CEP97: variants seen among roughly 807,000 people sequenced by gnomAD.
CEP97 encodes centrosomal protein 97.
Under a neutral mutation model 73.1 loss-of-function variants are expected in CEP97, and 43 were observed. The ratio of observed to expected loss-of-function variants is 0.59; its 90% CI spans 0.46 to 0.76. The LOEUF (loss-of-function observed/expected upper bound fraction) is 0.76. CEP97 is among the 30% of genes least tolerant of loss of function. The pLI is 0.00. For synonymous variants in CEP97, 337 were observed against 370.0 expected, an observed-to-expected ratio of 0.91 and a Z score of 1.02; for missense variants, 939 against 1,014.0, an observed-to-expected ratio of 0.93 and a Z score of 1.00.
At chr3:101,735,963 C>T (rs1225996631) in intron 6 of CEP97, among the ~76,000 whole-genome samples, 7 of 152,210 alleles carry the variant, frequency 4.6e-5, no homozygotes, top group Non-Finnish European at 1.0e-4. Context: ...ATTCTTGCTG[C>T]CAGTACAGCA....
chr3:101,753,284 T>C (rs1005966366), intron 6 of CEP97, among the ~76,000 whole-genome samples: 2 of 152,188 alleles, frequency 1.3e-5, no homozygotes, highest in African/African-American at 2.4e-5. Flanking sequence ...CCCGGCTGTG[T>C]GAGGTGTCAG....
Position 101,732,489 on chromosome 3 carries a change from T to C in CEP97, c.563T>C (p.Ile188Thr). ...CAACAAAGATATCTTTTGTTCCAGA[T>C]CTCTTTTTTGGCATCCTTAACTGAA... Reference protein sequence around the residue: ...AENEIRDLNEISFLASLTELE... With the variant: ...AENEIRDLNETSFLASLTELE... Residue 188 changes from isoleucine (I) to threonine (T), a missense_variant and splice_region_variant, in exon 6 of 11, where the codon ATC (isoleucine) becomes ACC (threonine). Transcript: ENST00000341893. 1.9e-6 allele frequency: 3 copies of C among 1,599,950 alleles called. No homozygotes were observed. Among genetic ancestry groups the C allele is most frequent in the Non-Finnish European group, 2.6e-6 (3 of 1,169,528 alleles).
At chr3:101,739,846 A>C (rs1469103113) in intron 6 of CEP97, among the ~76,000 whole-genome samples, 1 of 151,790 alleles carries the variant, frequency 6.6e-6, no homozygotes, top group Non-Finnish European at 1.5e-5. Context: ...CGTAGTTTGC[A>C]GTGAGCTGAG....
chr3:101,737,089 T>G (rs991804487), intron 6 of CEP97, among the ~76,000 whole-genome samples: 1 of 152,138 alleles, frequency 6.6e-6, no homozygotes, highest in Admixed American at 6.5e-5. Flanking sequence ...AGCAAGGATA[T>G]CAGAGATTGA....
At chr3:101,755,629 AC>A in intron 7 of CEP97, 35 bp downstream of exon 7, 1 of 1,602,228 alleles carries the variant, frequency 6.2e-7, no homozygotes, top group South Asian at 1.1e-5. Context: ...TGATGAATTC[AC>A]AAGTTAAAAT....
chr3:101,760,766 C>T (rs1939150956), intron 9 of CEP97, among the ~76,000 whole-genome samples: 1 of 152,118 alleles, frequency 6.6e-6, no homozygotes, highest in Non-Finnish European at 1.5e-5. Context: ...TCTTGAACTC[C>T]TGGCCTCAAG....
rs1270790264 is a variant in CEP97 at position 101,768,895 on chromosome 3, T to C, written c.*3344T>C. 6.6e-6 allele frequency: 1 copy of C among 152,190 alleles called. No individual in the cohort carries two copies. The allele number at this position is 152,190 out of a possible 1,614,324, so 9.4% of individuals were successfully genotyped here. On this transcript the variant is annotated 3_prime_UTR_variant, in exon 11 of 11. Coordinates refer to ENST00000341893, the MANE Select transcript of CEP97 (RefSeq NM_024548.4). Reference sequence around the variant, plus strand: ...TTGATAATATGCAATTTAGTTTGATTTTATAGGTTTAATTATAAAAGGCTT... The same window carrying C: ...TTGATAATATGCAATTTAGTTTGATCTTATAGGTTTAATTATAAAAGGCTT...
intron 9 of CEP97, 172 bp downstream of exon 9, chr3:101,758,595 A>G (rs1396936423): frequency 4.0e-5 from 27 of 682,910 alleles, no homozygotes; most frequent in Non-Finnish European, 5.6e-5. Flanking sequence ...AGCAGACACT[A>G]TCTGCTCTAT....
intron 9 of CEP97, among the ~76,000 whole-genome samples, chr3:101,760,018 G>A (rs1576700254): frequency 3.9e-5 from 1 of 25,764 alleles, no homozygotes; most frequent in Non-Finnish European, 8.1e-5. Context: ...AACTGATGGT[G>A]CAGCAAAAAA....
chr3:101,734,726 A>T (rs923189431), intron 6 of CEP97, among the ~76,000 whole-genome samples: 1 of 151,916 alleles, frequency 6.6e-6, no homozygotes, highest in Non-Finnish European at 1.5e-5. Flanking sequence ...AACTGTGACT[A>T]GTTCTAGATT....
In CEP97 at chr3:101,758,309, G is replaced by T; in HGVS notation, c.1703G>T (p.Cys568Phe). 1.2e-6 allele frequency: 2 copies of T among 1,614,252 alleles called. No individual in the cohort carries two copies. The highest frequency in any genetic ancestry group is 1.1e-5 in the South Asian group (1 of 91,088). ...GATGCAGCCACCAAGCTTCAGGCCTGTTGGCGGGGATTTTATGCCAGGAAC... is the reference window on the plus strand; with the variant it reads ...GATGCAGCCACCAAGCTTCAGGCCTTTTGGCGGGGATTTTATGCCAGGAAC... ...LNDAATKLQACWRGFYARNYN... is the reference protein window; with the variant it reads ...LNDAATKLQAFWRGFYARNYN... The change falls in exon 9 of 11, where the codon TGT becomes TTT. Residue 568 changes from cysteine to phenylalanine, a missense_variant. By Grantham distance (205) the Cys-to-Phe change is radical (BLOSUM62 -2). Coordinates refer to ENST00000341893, the MANE Select transcript of CEP97 (RefSeq NM_024548.4).
chr3:101,762,660 T>C, intron 10 of CEP97, 100 bp downstream of exon 10: 1 of 849,516 alleles, frequency 1.2e-6, no homozygotes, highest in Non-Finnish European at 1.8e-6. Flanking sequence ...AGCACTCTTG[T>C]TCAAGGTTAA....
intron 6 of CEP97, among the ~76,000 whole-genome samples, chr3:101,744,027 T>C (rs887494510): frequency 3.4e-5 from 5 of 148,340 alleles, no homozygotes; most frequent in Non-Finnish European, 6.0e-5. Context: ...AAAAGACTGA[T>C]AATACTAAGG....
In CEP97 at chr3:101,765,326, T is replaced by C; in HGVS notation, c.2373T>C (p.Phe791=). ...QLEDADERTN[F]DTETRDSKLH... ...AAGATGCTGATGAGAGGACCAATTTTGATACAGAGACAAGAGATAGCAAAC... is the reference window on the plus strand; with the variant it reads ...AAGATGCTGATGAGAGGACCAATTTCGATACAGAGACAAGAGATAGCAAAC... The change falls in exon 11 of 11, where the codon TTT becomes TTC. Residue 791 remains phenylalanine (F), a synonymous_variant. Transcript: ENST00000341893. 1 of 1,614,142 alleles carries C rather than the reference T, an allele frequency of 6.2e-7. No homozygotes were observed. Among genetic ancestry groups the C allele is most frequent in the East Asian group, 2.2e-5 (1 of 44,864 alleles).
Position 101,765,118 on chromosome 3 carries a change from A to G in CEP97, c.2165A>G (p.Lys722Arg), listed in dbSNP as rs576356636. Residue 722 changes from lysine to arginine, a missense_variant, in exon 11 of 11, where the codon AAA becomes AGA. Lys to Arg is a conservative substitution (Grantham distance 26). Coordinates refer to ENST00000341893, the MANE Select transcript of CEP97 (RefSeq NM_024548.4). ...TTGCAGCATTCTTTGGATTTTGAGA[A>G]AAGTTCCACAGAAGGCAGTGAAAGC... ...HSLQHSLDFE[K>R]SSTEGSESSI... 2.4e-5 allele frequency: 39 copies of G among 1,614,198 alleles called. No homozygotes were observed. The South Asian group carries it at 3.7e-4, about 15-fold the overall frequency.
intron 6 of CEP97, among the ~76,000 whole-genome samples, chr3:101,751,204 A>T (rs1281991354): frequency 2.0e-5 from 3 of 152,080 alleles, no homozygotes; most frequent in African/African-American, 2.4e-5. Context: ...TTGTTCAGTT[A>T]CCATGTAGTT....
intron 6 of CEP97, among the ~76,000 whole-genome samples, chr3:101,745,473 C>G (rs1024977223): frequency 6.6e-6 from 1 of 151,786 alleles, no homozygotes; most frequent in African/African-American, 2.4e-5. Flanking sequence ...GCTATGTTGC[C>G]CAGTCGGGTC....
intron 6 of CEP97, among the ~76,000 whole-genome samples, chr3:101,751,497 A>G (rs530581639): frequency 1.3e-5 from 2 of 152,160 alleles, no homozygotes; most frequent in African/African-American, 4.8e-5. Context: ...TGATCTGTCT[A>G]ATGTTGACAG....
At chr3:101,741,281 G>C (rs1190175557) in intron 6 of CEP97, among the ~76,000 whole-genome samples, 1 of 152,174 alleles carries the variant, frequency 6.6e-6, no homozygotes, top group Non-Finnish European at 1.5e-5. Context: ...ATGGATTAAA[G>C]ACTTAAATGT....
Sources: allele counts gnomAD v4.1 joint callset (sites outside exome capture counted in the v4.1 genomes callset), GRCh38; gene constraint gnomAD v4.1.1; transcripts MANE v1.5; gene names NCBI Gene and HGNC (gene_info 2026-07-23, HGNC 2026-07-21).